The following AMPH variants were observed in gnomAD, a reference collection of about 807,000 sequenced individuals.
AMPH encodes the protein amphiphysin, also known as amphiphysin (Stiff-Mann syndrome with breast cancer 128kD autoantigen).
Under a neutral mutation model 99.1 loss-of-function variants are expected in AMPH, and 49 were observed. The ratio of observed to expected loss-of-function variants is 0.49; its 90% CI spans 0.39 to 0.63. The LOEUF is 0.63. AMPH is among the 20% of genes least tolerant of loss of function. The pLI is 0.00. For missense variants in AMPH, 759 were observed against 863.4 expected (o/e 0.88, Z 1.52); for synonymous variants, 314 against 317.3 (o/e 0.99, Z 0.11).
At chr7:38,435,920 G>A (rs1786241661) in intron 12 of AMPH, among the ~76,000 whole-genome samples, 1 of 152,182 alleles carries the variant, frequency 6.6e-6, no homozygotes, top group African/African-American at 2.4e-5. Flanking sequence ...AGCAAGAAGA[G>A]TAAACCCAAA....
chr7:38,493,254 C>T (rs1205330082), intron 4 of AMPH, among the ~76,000 whole-genome samples: 2 of 152,116 alleles, frequency 1.3e-5, no homozygotes, highest in Admixed American at 6.5e-5. Flanking sequence ...AAATTTAGGT[C>T]GTCTGTGCCT....
intron 1 of AMPH, among the ~76,000 whole-genome samples, chr7:38,585,649 G>C (rs1792617501): frequency 1.3e-5 from 2 of 152,194 alleles, no homozygotes; most frequent in Admixed American, 6.5e-5. Flanking sequence ...TTTAGCCTAA[G>C]CTTTTAATAC....
chr7:38,409,901 T>C (rs1785164787), intron 17 of AMPH, among the ~76,000 whole-genome samples: 1 of 152,252 alleles, frequency 6.6e-6, no homozygotes, highest in Non-Finnish European at 1.5e-5. Context: ...ATTAGTGATT[T>C]ATCCGCAACG....
At chr7:38,535,268 TC>T (rs1004317545) in intron 1 of AMPH, among the ~76,000 whole-genome samples, 10 of 152,194 alleles carry the variant, frequency 6.6e-5, no homozygotes, top group African/African-American at 2.4e-4. Context: ...TGCACTTATT[TC>T]TTTATATAAC....
At position 38,570,927 on chromosome 7, in the gene AMPH, TTA is replaced by T. The variant is rs142367196; in HGVS notation, c.70-35918_70-35917del. On this transcript the variant is annotated intron_variant, in intron 1 of 20. Transcript: ENST00000356264. ...GCGTCTCAGTTTTTAACAAAAAAAT[TTA>T]TATATATATATATATTTATATATAT... Among the ~76,000 whole-genome samples the T allele has an allele frequency of 4.0e-4, 8 of 20,050 alleles. 2 individuals are homozygous for T. The highest frequency in any genetic ancestry group is 1.1e-3 in the African/African-American group (5 of 4,568). The allele number at this position is 20,050 out of a possible 152,430, so 13.2% of individuals were successfully genotyped here.
intron 1 of AMPH, among the ~76,000 whole-genome samples, chr7:38,536,165 G>T (rs1387034613): frequency 6.6e-6 from 1 of 152,116 alleles, no homozygotes; most frequent in East Asian, 1.9e-4. Context: ...ACAAATCAAG[G>T]ATAAGTTAAA....
chr7:38,471,586 C>T (rs955885542), intron 7 of AMPH, among the ~76,000 whole-genome samples: 3 of 152,044 alleles, frequency 2.0e-5, no homozygotes, highest in African/African-American at 7.2e-5. Context: ...ATAAGGCACA[C>T]GAAGCAATTA....
intron 2 of AMPH, among the ~76,000 whole-genome samples, chr7:38,522,904 C>T (rs1348159685): frequency 6.6e-6 from 1 of 151,900 alleles, no homozygotes; most frequent in Non-Finnish European, 1.5e-5. Context: ...GTTAGGAGTT[C>T]GAGACCAGCC....
intron 3 of AMPH, among the ~76,000 whole-genome samples, chr7:38,495,370 T>C (rs1466350397): frequency 1.3e-5 from 2 of 152,184 alleles, no homozygotes; most frequent in African/African-American, 4.8e-5. Context: ...ATTTACTTAC[T>C]TACTCCAGTT....
At chr7:38,387,868 G>A (rs1228467744) in intron 20 of AMPH, among the ~76,000 whole-genome samples, 1 of 150,808 alleles carries the variant, frequency 6.6e-6, no homozygotes, top group African/African-American at 2.4e-5. Flanking sequence ...AGTAGTCAGG[G>A]AAAGTCACTT....
chr7:38,573,794 A>G (rs1438201914), intron 1 of AMPH, among the ~76,000 whole-genome samples: 1 of 152,206 alleles, frequency 6.6e-6, no homozygotes, highest in Non-Finnish European at 1.5e-5. Context: ...TAATAATACC[A>G]AACAATTGTA....
chr7:38,509,040 T>C (rs912510952), intron 2 of AMPH, among the ~76,000 whole-genome samples: 2 of 152,198 alleles, frequency 1.3e-5, no homozygotes, highest in African/African-American at 2.4e-5. Context: ...TGCTGTTAAA[T>C]GGGAAGATGT....
intron 1 of AMPH, among the ~76,000 whole-genome samples, chr7:38,579,418 G>A (rs1394353628): frequency 2.0e-5 from 3 of 152,138 alleles, no homozygotes; most frequent in Non-Finnish European, 4.4e-5. Context: ...AAGCTTCAAC[G>A]TAGGTATGGG....
At chr7:38,569,484 T>A (rs1238988577) in intron 1 of AMPH, among the ~76,000 whole-genome samples, 1 of 151,488 alleles carries the variant, frequency 6.6e-6, no homozygotes, top group East Asian at 1.9e-4. Flanking sequence ...CAGAACCACC[T>A]GATAGAAGTA....
At chr7:38,453,645 A>G (rs1787119676) in intron 11 of AMPH, among the ~76,000 whole-genome samples, 1 of 152,260 alleles carries the variant, frequency 6.6e-6, no homozygotes, top group African/African-American at 2.4e-5. Context: ...ATTTAAAAAG[A>G]AAGAACACTT....
At chr7:38,507,665 A>G (rs1381540709) in intron 2 of AMPH, among the ~76,000 whole-genome samples, 2 of 152,244 alleles carry the variant, frequency 1.3e-5, no homozygotes, top group African/African-American at 4.8e-5. Context: ...TTAGTAATTC[A>G]GCCGTGAATT....
At chr7:38,546,649 AG>A (rs886360168) in intron 1 of AMPH, among the ~76,000 whole-genome samples, 1 of 152,150 alleles carries the variant, frequency 6.6e-6, no homozygotes, top group Non-Finnish European at 1.5e-5. Context: ...GGGTATCCGG[AG>A]GGGTATGTTT....
intron 3 of AMPH, among the ~76,000 whole-genome samples, chr7:38,496,041 A>T (rs1373224254): frequency 1.3e-5 from 2 of 152,170 alleles, no homozygotes; most frequent in Non-Finnish European, 2.9e-5. Flanking sequence ...GGCCACATTG[A>T]TGTCTTGGCC....
At position 38,523,020 on chromosome 7, in the gene AMPH, A is replaced by G. The variant is rs1367874159; in HGVS notation, c.150+11911T>C. 2.0e-5 allele frequency among the ~76,000 whole-genome samples: 3 copies of G among 151,870 alleles called. No homozygotes were observed. The South Asian group carries it at 6.2e-4, about 32-fold the overall frequency. ...CTACTCGGGAGGCTGAGGCAGGAGA[A>G]TCGCTTGAAACCAGAAGGCAGAGGT... On this transcript the variant is annotated intron_variant, in intron 2 of 20. Coordinates refer to ENST00000356264, the MANE Select transcript of AMPH (RefSeq NM_001635.4).
Sources: allele counts gnomAD v4.1 joint callset (sites outside exome capture counted in the v4.1 genomes callset), GRCh38; gene constraint gnomAD v4.1.1; transcripts MANE v1.5; gene names NCBI Gene and HGNC (gene_info 2026-07-23, HGNC 2026-07-21).